EPHA6: variants seen among roughly 807,000 people sequenced by gnomAD.
EPHA6 encodes ephrin type-A receptor 6.
In EPHA6, 50 loss-of-function variants were observed where a neutral mutation model predicts 112.0. The ratio of observed to expected loss-of-function variants is 0.45; its 90% confidence interval spans 0.36 to 0.56. The LOEUF is 0.56. EPHA6 is among the 20% of genes least tolerant of loss of function. The pLI is 0.00. For missense variants in EPHA6, 1,280 were observed against 1,417.4 expected (o/e 0.90, Z 1.56); for synonymous variants, 529 against 490.7 (o/e 1.08, Z -1.03).
chr3:97,474,933 C>G (rs1454500428), intron 7 of EPHA6, among the ~76,000 whole-genome samples: 5 of 152,058 alleles, frequency 3.3e-5, no homozygotes, highest in Admixed American at 3.3e-4. Context: ...ATACAGTAGT[C>G]TTTCTACTTT....
intron 15 of EPHA6, among the ~76,000 whole-genome samples, chr3:97,721,898 T>C (rs962853583): frequency 6.6e-6 from 1 of 152,222 alleles, no homozygotes; most frequent in Non-Finnish European, 1.5e-5. Flanking sequence ...TGTTTGTTTG[T>C]TTGTTTTAAC....
chr3:97,277,858 T>C (rs1204127646), intron 5 of EPHA6, among the ~76,000 whole-genome samples: 5 of 152,172 alleles, frequency 3.3e-5, no homozygotes, highest in African/African-American at 1.2e-4. Context: ...TAGGACATGA[T>C]TGCATGCTAT....
chr3:97,460,515 A>G (rs2090851424), intron 7 of EPHA6, among the ~76,000 whole-genome samples: 1 of 152,224 alleles, frequency 6.6e-6, no homozygotes, highest in Non-Finnish European at 1.5e-5. Flanking sequence ...ACAAACAATA[A>G]GCAAAACATT....
intron 10 of EPHA6, among the ~76,000 whole-genome samples, chr3:97,489,973 G>A (rs746854055): frequency 4.6e-5 from 7 of 152,064 alleles, no homozygotes; most frequent in East Asian, 1.9e-4. Context: ...TTTCAACACC[G>A]TACATCTTAT....
intron 5 of EPHA6, among the ~76,000 whole-genome samples, chr3:97,311,475 C>CACACACACACACAT (rs397875297): frequency 6.6e-6 from 1 of 150,652 alleles, no homozygotes; most frequent in African/African-American, 2.4e-5. Flanking sequence ...CACACACACA[C>CACACACACACACAT]GTTTGCTCTG....
intron 3 of EPHA6, among the ~76,000 whole-genome samples, chr3:97,150,520 C>T (rs541811712): frequency 5.9e-5 from 9 of 152,048 alleles, no homozygotes; most frequent in South Asian, 4.2e-4. Context: ...CTCAGGGTTC[C>T]GCCCCTGTTC....
At chr3:97,220,614 C>T (rs1208002831) in intron 3 of EPHA6, among the ~76,000 whole-genome samples, 1 of 152,098 alleles carries the variant, frequency 6.6e-6, no homozygotes, top group East Asian at 1.9e-4. Context: ...CTTATAAAAC[C>T]ATCTGATCTT....
At chr3:97,544,191 C>T (rs1024698714) in intron 11 of EPHA6, among the ~76,000 whole-genome samples, 2 of 152,062 alleles carry the variant, frequency 1.3e-5, no homozygotes, top group African/African-American at 4.8e-5. Flanking sequence ...GGAATGCTTC[C>T]AGTTTTTGCC....
At chr3:97,316,801 T>A (rs767744285) in intron 5 of EPHA6, among the ~76,000 whole-genome samples, 2 of 151,768 alleles carry the variant, frequency 1.3e-5, no homozygotes, top group Non-Finnish European at 2.9e-5. Context: ...TTTTGGGAAG[T>A]AATCAGTAAA....
chr3:97,435,190 A>G (rs1297597079), intron 6 of EPHA6, among the ~76,000 whole-genome samples: 1 of 152,078 alleles, frequency 6.6e-6, no homozygotes, highest in Non-Finnish European at 1.5e-5. Flanking sequence ...AGAATTTACA[A>G]ACATCTTTAT....
At chr3:97,190,635 TA>T (rs1344854220) in intron 3 of EPHA6, among the ~76,000 whole-genome samples, 4 of 152,130 alleles carry the variant, frequency 2.6e-5, no homozygotes, top group African/African-American at 9.6e-5. Flanking sequence ...ATATTTATGA[TA>T]TGCAATGTTT....
In EPHA6 at chr3:97,748,559, C is replaced by G. The variant is rs369784793; in HGVS notation, c.3279-28C>G. The G allele has an allele frequency of 5.3e-5, 63 of 1,177,942 alleles. No homozygotes were observed. The African/African-American group carries it at 7.2e-4, about 13-fold the overall frequency. 73.0% of individuals were successfully genotyped at this position (1,177,942 alleles called of 1,614,324 possible). A position where few individuals can be genotyped will look rare whatever the true frequency, so the allele number is the denominator to read the frequency against. Reference sequence around the variant, plus strand: ...TCTCTTTCTTGCTCTCACTCTCGCTCTCACTCTTGCTCTCTCCTTTCTTTC... The same window carrying G: ...TCTCTTTCTTGCTCTCACTCTCGCTGTCACTCTTGCTCTCTCCTTTCTTTC... On this transcript the variant is annotated intron_variant, in intron 17 of 17. Coordinates refer to ENST00000389672, the MANE Select transcript of EPHA6 (RefSeq NM_001080448.3).
chr3:97,741,004 C>A (rs2035483556), intron 16 of EPHA6, among the ~76,000 whole-genome samples: 1 of 151,922 alleles, frequency 6.6e-6, no homozygotes, highest in Non-Finnish European at 1.5e-5. Context: ...GGAAGGAAGA[C>A]AGAATATGAA....
chr3:97,298,532 C>G (rs1048193339), intron 5 of EPHA6, among the ~76,000 whole-genome samples: 1 of 152,072 alleles, frequency 6.6e-6, no homozygotes, highest in Non-Finnish European at 1.5e-5. Context: ...GAACTATACT[C>G]CTGGATCCTT....
chr3:96,947,738 GA>G (rs2041343407), intron 2 of EPHA6, among the ~76,000 whole-genome samples: 1 of 152,122 alleles, frequency 6.6e-6, no homozygotes, highest in African/African-American at 2.4e-5. Context: ...ACTGCTCAAT[GA>G]AATAAAAGAG....
intron 10 of EPHA6, among the ~76,000 whole-genome samples, chr3:97,509,241 G>A (rs191838824): frequency 1.1e-3 from 167 of 151,836 alleles, no homozygotes; most frequent in Non-Finnish European, 2.1e-3. Context: ...ATGTTAGCTG[G>A]TTATTTTGTC....
chr3:97,140,001 TA>T (rs755660460), intron 3 of EPHA6, among the ~76,000 whole-genome samples: 5 of 151,498 alleles, frequency 3.3e-5, no homozygotes, highest in Non-Finnish European at 7.4e-5. Context: ...AGATAGCTGT[TA>T]AAAAAAAGAG....
At chr3:96,832,232 A>G (rs1462819926) in intron 1 of EPHA6, among the ~76,000 whole-genome samples, 1 of 152,080 alleles carries the variant, frequency 6.6e-6, no homozygotes, top group Non-Finnish European at 1.5e-5. Context: ...TCGATTTAGA[A>G]GTGAATATGA....
intron 3 of EPHA6, among the ~76,000 whole-genome samples, chr3:97,210,934 C>T (rs748170940): frequency 2.0e-5 from 3 of 152,138 alleles, no homozygotes; most frequent in Admixed American, 2.0e-4. Flanking sequence ...ACGAGCTCAG[C>T]CAGAGCTATG....
Sources: gnomAD v4.1 joint callset for allele counts (sites outside exome capture counted in the v4.1 genomes callset) on GRCh38, gnomAD v4.1.1 for gene constraint, MANE v1.5 for transcripts, NCBI Gene and HGNC (gene_info 2026-07-23, HGNC 2026-07-21) for gene names.